SNRK: variants seen among roughly 807,000 people sequenced by gnomAD.
SNRK encodes SNF-related serine/threonine-protein kinase.
In SNRK, 3 loss-of-function variants were observed where a neutral mutation model predicts 48.2. That is an observed-to-expected ratio of 0.06 (90% CI 0.03 to 0.16). The LOEUF is 0.16. Among genes scored for constraint, SNRK ranks in the 10% least tolerant of loss-of-function variants. SNRK has a pLI of 1.00. For missense variants in SNRK, 627 were observed against 976.0 expected (o/e 0.64, Z 4.76); for synonymous variants, 376 against 366.1 (o/e 1.03, Z -0.31).
chr3:43,331,944 G>A (rs371490605), intron 3 of SNRK, among the ~76,000 whole-genome samples: 60 of 152,160 alleles, frequency 3.9e-4, no homozygotes, highest in African/African-American at 1.4e-3. Context: ...TCTCTTCATC[G>A]AACATTTATT....
intron 5 of SNRK, 60 bp downstream of exon 5, chr3:43,340,559 C>A: frequency 7.0e-7 from 1 of 1,437,094 alleles, no homozygotes; most frequent in South Asian, 1.2e-5. Context: ...AATGGGCTCT[C>A]TCTACTTAAC....
At chr3:43,341,781 C>CA (rs1167043662) in intron 5 of SNRK, among the ~76,000 whole-genome samples, 1 of 152,182 alleles carries the variant, frequency 6.6e-6, no homozygotes, top group Non-Finnish European at 1.5e-5. Context: ...CACACATGCC[C>CA]ACTGGGAGGC....
chr3:43,317,273 G>A (rs1326058675), intron 3 of SNRK, among the ~76,000 whole-genome samples: 1 of 152,154 alleles, frequency 6.6e-6, no homozygotes, highest in Non-Finnish European at 1.5e-5. Context: ...TTAGGGGCAG[G>A]TTTTCTTTCC....
intron 1 of SNRK, among the ~76,000 whole-genome samples, chr3:43,287,538 A>G (rs1056745840): frequency 6.6e-5 from 10 of 152,184 alleles, no homozygotes; most frequent in Non-Finnish European, 1.3e-4. Flanking sequence ...GGACCTTTCA[A>G]ACTGTCATGT....
rs1446397433 is a variant in SNRK, at chr3:43,347,506, T to TC, written c.1250dup (p.Glu418Ter). ...TGTGACTCAGCTAAGAAAGATGACC[T>TC]CCCTGAGTTGGCTGGACCAGCACTC... On this transcript the variant is annotated frameshift_variant, in exon 7 of 7. Transcript: ENST00000296088. LOFTEE classifies it high-confidence loss of function. This position sits in a 1 kb window ranked among gnomAD's most constrained non-coding sequence, Gnocchi z 5.4. The TC allele has an allele frequency of 6.2e-7, 1 of 1,613,630 alleles. No individual in the cohort carries two copies.
intron 6 of SNRK, among the ~76,000 whole-genome samples, chr3:43,345,197 T>C (rs977219774): frequency 6.6e-6 from 1 of 152,244 alleles, no homozygotes; most frequent in African/African-American, 2.4e-5. Context: ...CACCTTTTTT[T>C]CTATGGCACA....
intron 1 of SNRK, among the ~76,000 whole-genome samples, chr3:43,289,086 C>T (rs1481962522): frequency 6.6e-6 from 1 of 152,136 alleles, no homozygotes; most frequent in African/African-American, 2.4e-5. Context: ...TTAGAAGCTA[C>T]TGGGGAACAC....
At chr3:43,336,077 A>C (rs1168851060) in intron 4 of SNRK, among the ~76,000 whole-genome samples, 1 of 150,574 alleles carries the variant, frequency 6.6e-6, no homozygotes, top group African/African-American at 2.4e-5. Flanking sequence ...AGATCTATTT[A>C]TGCCATCTTT....
At chr3:43,339,857 A>G in intron 4 of SNRK, among the ~76,000 whole-genome samples, 5 of 64,906 alleles carry the variant, frequency 7.7e-5, no homozygotes, top group African/African-American at 2.0e-4. Flanking sequence ...ATATATATAT[A>G]TATATATATA....
chr3:43,348,538 G>C lies in SNRK; in HGVS notation c.2279G>C (p.Ser760Thr). Residue 760 changes from serine to threonine, a missense_variant, in exon 7 of 7, where the codon AGC (serine) becomes ACC (threonine). By Grantham distance (58) the Ser-to-Thr change is moderately conservative. This residue lies in a region of SNRK where 207 missense variants were observed against 234.3 expected (regional missense o/e 0.88). Transcript: ENST00000296088. ...CTGCTGTGCGCATCCAGCCCAGCCA[G>C]CTGTTGCCATGTCATCTGACTGTGG... ...EGLLCASSPA[S>T]CCHVI The C allele has an allele frequency of 2.6e-6, 4 of 1,539,990 alleles. No homozygotes were observed. Among genetic ancestry groups the C allele is most frequent in the Non-Finnish European group, 3.5e-6 (4 of 1,146,728 alleles).
chr3:43,299,334 C>A (rs1430195051), intron 1 of SNRK, among the ~76,000 whole-genome samples: 2 of 152,096 alleles, frequency 1.3e-5, no homozygotes, highest in Admixed American at 6.6e-5. Flanking sequence ...CCCGCCTCCA[C>A]GCCTGGCTAA....
intron 1 of SNRK, among the ~76,000 whole-genome samples, chr3:43,297,540 A>G (rs2090865382): frequency 6.6e-6 from 1 of 152,028 alleles, no homozygotes; most frequent in South Asian, 2.1e-4. Flanking sequence ...CAAAATGTAA[A>G]GCGATGTTAT....
intron 1 of SNRK, among the ~76,000 whole-genome samples, chr3:43,297,135 T>A (rs1353779740): frequency 6.6e-6 from 1 of 152,204 alleles, no homozygotes; most frequent in Non-Finnish European, 1.5e-5. Flanking sequence ...TTTAAAATAT[T>A]GATCTAGAAG....
chr3:43,339,816 AAAATATATATATATATAT>A (rs1281306554), intron 4 of SNRK, among the ~76,000 whole-genome samples: 6 of 78,342 alleles, frequency 7.7e-5, no homozygotes, highest in South Asian at 8.9e-4. Flanking sequence ...CTCCATTTCC[AAAATATATATATATATAT>A]ATATATATAT....
At chr3:43,328,109 G>A (rs2091109346) in intron 3 of SNRK, among the ~76,000 whole-genome samples, 1 of 151,868 alleles carries the variant, frequency 6.6e-6, no homozygotes, top group Non-Finnish European at 1.5e-5. Context: ...GTTGATGTTT[G>A]TTAACCCGTG....
chr3:43,330,709 TG>T (rs1439287122), intron 3 of SNRK, among the ~76,000 whole-genome samples: 37 of 152,226 alleles, frequency 2.4e-4, no homozygotes, highest in African/African-American at 8.4e-4. Context: ...GTGAATGGAG[TG>T]GACTCCTGAG....
rs368073792 is a variant in SNRK at position 43,332,380 on chromosome 3, A to G, written c.731+70A>G. On this transcript the variant is annotated intron_variant, in intron 4 of 6. Transcript: ENST00000296088. ...AACCAGAAGTTTTAATTCCATTAAT[A>G]TGTCAAGAAAATTTGAGAGGACTTC... 45 of 1,077,128 alleles carry G rather than the reference A, an allele frequency of 4.2e-5. No individual in the cohort carries two copies. In the East Asian group the frequency reaches 1.5e-3, roughly 35 times the overall value. The allele number at this position is 1,077,128 out of a possible 1,614,324, so 66.7% of individuals were successfully genotyped here. A position where few individuals can be genotyped will look rare whatever the true frequency, so the allele number is the denominator to read the frequency against.
chr3:43,341,799 C>G (rs539207670), intron 5 of SNRK, among the ~76,000 whole-genome samples: 4 of 152,244 alleles, frequency 2.6e-5, no homozygotes, highest in Non-Finnish European at 4.4e-5. Context: ...GGCTCTGATC[C>G]CTGAGAAGGG....
chr3:43,343,223 C>A, intron 5 of SNRK, 121 bp from the exon 6 acceptor site: 2 of 1,298,840 alleles, frequency 1.5e-6, no homozygotes, highest in Admixed American at 2.9e-5. Flanking sequence ...GCATTTTTTG[C>A]ATAATTTTAA....
Sources: allele counts gnomAD v4.1 joint callset (sites outside exome capture counted in the v4.1 genomes callset), GRCh38; gene constraint gnomAD v4.1.1; regional missense constraint gnomAD v4.1.1; non-coding constraint Gnocchi (gnomAD v3.1); transcripts MANE v1.5; gene names NCBI Gene and HGNC (gene_info 2026-07-23, HGNC 2026-07-21).